Variants in GALNTL6 observed in about 807,000 individuals in gnomAD.
GALNTL6 encodes polypeptide N-acetylgalactosaminyltransferase-like 6.
In GALNTL6, 46 loss-of-function variants were observed where a neutral mutation model predicts 73.7. The observed-to-expected ratio is 0.62, with a 90% CI of 0.49 to 0.80. The LOEUF is 0.80. Among genes scored for constraint, GALNTL6 ranks in the 30% least tolerant of loss-of-function variants. GALNTL6 has a pLI of 0.00. For synonymous variants in GALNTL6, 259 were observed against 263.7 expected, an observed-to-expected ratio of 0.98 and a Z score of 0.17; for missense variants, 604 against 755.0, an observed-to-expected ratio of 0.80 and a Z score of 2.34.
At chr4:172,038,276 CTT>C (rs1741993377) in intron 2 of GALNTL6, among the ~76,000 whole-genome samples, 1 of 152,042 alleles carries the variant, frequency 6.6e-6, no homozygotes, top group African/African-American at 2.4e-5. Context: ...TAATTCTAGA[CTT>C]AACTTTTTAA....
At chr4:172,379,329 G>A (rs1205808655) in intron 5 of GALNTL6, among the ~76,000 whole-genome samples, 1 of 152,052 alleles carries the variant, frequency 6.6e-6, no homozygotes, top group Non-Finnish European at 1.5e-5. Flanking sequence ...AGGAGATCGA[G>A]ACCATCCTGG....
intron 5 of GALNTL6, among the ~76,000 whole-genome samples, chr4:172,486,205 A>G (rs1463836921): frequency 6.6e-6 from 1 of 152,172 alleles, no homozygotes; most frequent in East Asian, 1.9e-4. Flanking sequence ...AACAAGGGAA[A>G]AATTAGCTAA....
chr4:172,110,444 G>A (rs1257788850), intron 2 of GALNTL6, among the ~76,000 whole-genome samples: 4 of 152,114 alleles, frequency 2.6e-5, no homozygotes, highest in Non-Finnish European at 5.9e-5. Flanking sequence ...AGTGATAATA[G>A]TACTTTCACA....
intron 2 of GALNTL6, among the ~76,000 whole-genome samples, chr4:172,100,694 TCA>T (rs1732485890): frequency 6.6e-6 from 1 of 152,156 alleles, no homozygotes; most frequent in Non-Finnish European, 1.5e-5. Context: ...CATTATTATC[TCA>T]GTTTTACAAA....
chr4:172,752,327 G>A (rs1737473565), intron 5 of GALNTL6, among the ~76,000 whole-genome samples: 1 of 151,952 alleles, frequency 6.6e-6, no homozygotes, highest in African/African-American at 2.4e-5. Flanking sequence ...ATTAAAATGT[G>A]TTAAAAATAT....
intron 3 of GALNTL6, among the ~76,000 whole-genome samples, chr4:172,289,408 T>A (rs1482137435): frequency 6.6e-6 from 1 of 152,178 alleles, no homozygotes; most frequent in Non-Finnish European, 1.5e-5. Flanking sequence ...ATCGTAGTGT[T>A]TTGACTATTA....
intron 11 of GALNTL6, among the ~76,000 whole-genome samples, chr4:173,020,934 G>T (rs571358427): frequency 6.6e-6 from 1 of 152,100 alleles, no homozygotes; most frequent in Non-Finnish European, 1.5e-5. Flanking sequence ...TTAGCCAGGC[G>T]TGGTGGCGTG....
At chr4:172,860,805 A>T (rs753006212) in intron 7 of GALNTL6, among the ~76,000 whole-genome samples, 84 of 152,332 alleles carry the variant, frequency 5.5e-4, no homozygotes, top group Middle Eastern at 3.4e-3. Flanking sequence ...CTGGCATCCT[A>T]CTCAGCCATT....
At chr4:171,986,526 G>C (rs1740093535) in intron 2 of GALNTL6, among the ~76,000 whole-genome samples, 1 of 152,112 alleles carries the variant, frequency 6.6e-6, no homozygotes, top group African/African-American at 2.4e-5. Context: ...TGTTGGGATG[G>C]TGAAAATTTT....
intron 4 of GALNTL6, among the ~76,000 whole-genome samples, chr4:172,336,438 ATTT>A (rs143454987): frequency 2.2e-5 from 3 of 136,766 alleles, no homozygotes; most frequent in Non-Finnish European, 3.2e-5. Flanking sequence ...TGCCCAGCTA[ATTT>A]TTTTTTTTTT....
intron 2 of GALNTL6, among the ~76,000 whole-genome samples, chr4:172,039,753 C>A: frequency 6.6e-6 from 1 of 152,026 alleles, no homozygotes; most frequent in East Asian, 1.9e-4. Context: ...AGAAGATTAA[C>A]CAATAGCATA....
intron 5 of GALNTL6, among the ~76,000 whole-genome samples, chr4:172,777,129 A>T (rs1339919812): frequency 2.0e-5 from 3 of 152,026 alleles, no homozygotes; most frequent in Admixed American, 1.3e-4. Flanking sequence ...TTATCACATC[A>T]CTCTGTACCC....
At chr4:172,897,540 T>C (rs1004446708) in intron 8 of GALNTL6, among the ~76,000 whole-genome samples, 13 of 152,186 alleles carry the variant, frequency 8.5e-5, no homozygotes, top group Non-Finnish European at 1.8e-4. Flanking sequence ...CCTTGGCAGA[T>C]GGTTTTTTAT....
At chr4:172,770,932 C>T (rs1417024785) in intron 5 of GALNTL6, among the ~76,000 whole-genome samples, 2 of 152,142 alleles carry the variant, frequency 1.3e-5, no homozygotes, top group Non-Finnish European at 1.5e-5. Context: ...GCTAAAAAGG[C>T]TTTAAATGAG....
intron 2 of GALNTL6, among the ~76,000 whole-genome samples, chr4:171,891,531 G>A (rs939122868): frequency 6.6e-6 from 1 of 152,154 alleles, no homozygotes; most frequent in African/African-American, 2.4e-5. Context: ...CTCAATGTTA[G>A]TCCTGTTTAA....
At chr4:172,207,668 GCTTGGTT>G (rs1222023106) in intron 2 of GALNTL6, among the ~76,000 whole-genome samples, 1 of 152,068 alleles carries the variant, frequency 6.6e-6, no homozygotes, top group African/African-American at 2.4e-5. Flanking sequence ...ACATATAAAC[GCTTGGTT>G]CTCTCTGTTA....
chr4:172,922,705 G>A (rs185548833), intron 8 of GALNTL6, among the ~76,000 whole-genome samples: 6 of 152,258 alleles, frequency 3.9e-5, no homozygotes, highest in Admixed American at 3.9e-4. Flanking sequence ...GAAAGAAGAA[G>A]CCACCATATT....
At chr4:172,017,507 T>C (rs1409067638) in intron 2 of GALNTL6, among the ~76,000 whole-genome samples, 2 of 152,028 alleles carry the variant, frequency 1.3e-5, no homozygotes, top group Non-Finnish European at 1.5e-5. Context: ...TGCAGTACAG[T>C]GCCAGGGGAG....
chr4:172,785,832 G>A (rs920176174), intron 5 of GALNTL6, among the ~76,000 whole-genome samples: 2 of 152,060 alleles, frequency 1.3e-5, no homozygotes, highest in South Asian at 2.1e-4. Context: ...TGACTTTTAC[G>A]CTCTGGGGCT....
Sources: allele counts gnomAD v4.1 joint callset (sites outside exome capture counted in the v4.1 genomes callset), GRCh38; gene constraint gnomAD v4.1.1; transcripts MANE v1.5; gene names NCBI Gene and HGNC (gene_info 2026-07-23, HGNC 2026-07-21).